Variants in AKAP19 observed in about 807,000 individuals in gnomAD.
AKAP19 encodes A-kinase anchoring protein 19.
At chr2:190,170,264 G>A in the AKAP19 span, among the ~76,000 whole-genome samples, 3 of 152,178 alleles carry the variant, frequency 2.0e-5, no homozygotes. Flanking sequence ...TCACATTGGG[G>A]ATTAGGGTTT....
the AKAP19 span, among the ~76,000 whole-genome samples, chr2:189,981,568 G>A: frequency 2.0e-5 from 3 of 152,142 alleles, no homozygotes; most frequent in African/African-American, 4.8e-5. Flanking sequence ...TTGCTTTGTG[G>A]TCACAATTGT....
chr2:190,096,457 G>T, the AKAP19 span, among the ~76,000 whole-genome samples: 1 of 152,168 alleles, frequency 6.6e-6, no homozygotes, highest in African/African-American at 2.4e-5. Flanking sequence ...TCTTTTTAGG[G>T]GTCTTGCTGT....
At chr2:190,019,492 G>A in the AKAP19 span, among the ~76,000 whole-genome samples, 2 of 152,104 alleles carry the variant, frequency 1.3e-5, no homozygotes, top group Admixed American at 1.3e-4. Flanking sequence ...GCTTAGCTTT[G>A]CCAGTGTATT....
At chr2:190,185,135 C>T in the AKAP19 span, among the ~76,000 whole-genome samples, 1 of 152,110 alleles carries the variant, frequency 6.6e-6, no homozygotes, top group Admixed American at 6.5e-5. Flanking sequence ...TATACTGCTG[C>T]CTAGAATTTA....
the AKAP19 span, among the ~76,000 whole-genome samples, chr2:189,949,205 A>G: frequency 1.3e-5 from 2 of 152,214 alleles, no homozygotes; most frequent in African/African-American, 4.8e-5. Flanking sequence ...CTCATTTTCC[A>G]TCTGCCTTCA....
the AKAP19 span, among the ~76,000 whole-genome samples, chr2:190,009,882 A>G: frequency 1.3e-5 from 2 of 152,088 alleles, no homozygotes; most frequent in Non-Finnish European, 2.9e-5. Context: ...TAGGATAACC[A>G]AGAGAAAAAA....
the AKAP19 span, among the ~76,000 whole-genome samples, chr2:190,161,810 G>A: frequency 2.2e-4 from 33 of 152,084 alleles, no homozygotes; most frequent in South Asian, 1.2e-3. Flanking sequence ...TCTCAGCCAC[G>A]AAAAAGAAAA....
At chr2:189,990,477 C>A in the AKAP19 span, among the ~76,000 whole-genome samples, 1 of 152,050 alleles carries the variant, frequency 6.6e-6, no homozygotes, top group Non-Finnish European at 1.5e-5. Flanking sequence ...TGAGATAGAT[C>A]CCCCTTGGTC....
At chr2:189,994,521 G>T in the AKAP19 span, among the ~76,000 whole-genome samples, 4 of 151,944 alleles carry the variant, frequency 2.6e-5, no homozygotes, top group Non-Finnish European at 5.9e-5. Context: ...CAGTTCAAAA[G>T]AATTTTTTAA....
At chr2:190,160,921 C>T in the AKAP19 span, among the ~76,000 whole-genome samples, 9 of 152,016 alleles carry the variant, frequency 5.9e-5, no homozygotes, top group African/African-American at 1.9e-4. Flanking sequence ...TAAATGAAAT[C>T]TAATCGAGTA....
the AKAP19 span, among the ~76,000 whole-genome samples, chr2:189,901,098 G>A: frequency 2.8e-4 from 42 of 152,074 alleles, 1 homozygote; most frequent in South Asian, 8.7e-3. Context: ...GCTCCTGTCA[G>A]CCTGACCCCT....
the AKAP19 span, among the ~76,000 whole-genome samples, chr2:190,084,143 A>C: frequency 6.9e-6 from 1 of 145,352 alleles, no homozygotes; most frequent in African/African-American, 2.6e-5. Context: ...CCCAGGCTAG[A>C]GTGCAGTGGC....
the AKAP19 span, among the ~76,000 whole-genome samples, chr2:189,914,697 G>A: frequency 6.6e-6 from 1 of 151,866 alleles, no homozygotes; most frequent in Non-Finnish European, 1.5e-5. Flanking sequence ...TTAAGCTTGA[G>A]GAACAGTTCT....
chr2:189,893,090 A>G, the AKAP19 span, among the ~76,000 whole-genome samples: 1 of 151,952 alleles, frequency 6.6e-6, no homozygotes, highest in African/African-American at 2.4e-5. Context: ...CCCCCTACTG[A>G]GTTCAGGTGT....
At chr2:190,090,576 T>A in the AKAP19 span, among the ~76,000 whole-genome samples, 2 of 152,208 alleles carry the variant, frequency 1.3e-5, no homozygotes, top group African/African-American at 4.8e-5. Context: ...AACAACCACC[T>A]CAGTCTTGAT....
the AKAP19 span, among the ~76,000 whole-genome samples, chr2:189,914,848 A>G: frequency 6.6e-6 from 1 of 152,080 alleles, no homozygotes; most frequent in Non-Finnish European, 1.5e-5. Context: ...AAGTAAATTG[A>G]CCAAAGTCTT....
chr2:189,923,579 A>G, the AKAP19 span: 2 of 1,613,960 alleles, frequency 1.2e-6, no homozygotes, highest in Admixed American at 1.7e-5. Context: ...GGTTTTAGAT[A>G]TTAACCTGGC....
the AKAP19 span, among the ~76,000 whole-genome samples, chr2:190,124,177 G>A: frequency 1.3e-5 from 2 of 152,194 alleles, no homozygotes; most frequent in Non-Finnish European, 2.9e-5. Context: ...CACCATAATA[G>A]TGTGAGCCAA....
At chr2:190,129,603 C>T in the AKAP19 span, among the ~76,000 whole-genome samples, 6 of 151,670 alleles carry the variant, frequency 4.0e-5, no homozygotes, top group African/African-American at 1.5e-4. Flanking sequence ...TTAATGTGGG[C>T]ATAGTATAGT....
Sources: allele counts gnomAD v4.1 joint callset (sites outside exome capture counted in the v4.1 genomes callset), GRCh38; gene constraint gnomAD v4.1.1; transcripts MANE v1.5; gene names NCBI Gene and HGNC (gene_info 2026-07-23, HGNC 2026-07-21).